Variants in TACC1 observed in about 807,000 individuals in gnomAD.
The protein encoded by TACC1 is transforming acidic coiled-coil-containing protein 1.
In TACC1, 48 loss-of-function variants were observed where a neutral mutation model predicts 84.4. The ratio of observed to expected loss-of-function variants is 0.57; its 90% CI spans 0.45 to 0.72. The LOEUF is 0.72. Ranked by LOEUF, TACC1 falls within the 30% of genes least tolerant of loss-of-function variation. The pLI is 0.00. For synonymous variants in TACC1, 372 were observed against 376.3 expected, an observed-to-expected ratio of 0.99 and a Z score of 0.13; for missense variants, 920 against 973.0, an observed-to-expected ratio of 0.95 and a Z score of 0.72.
chr8:38,781,020 G>T (rs946415038), intron 3 of TACC1, among the ~76,000 whole-genome samples: 1 of 152,108 alleles, frequency 6.6e-6, no homozygotes, highest in Non-Finnish European at 1.5e-5. Context: ...GTTGGAGTTG[G>T]TGTCACAGTT....
At chr8:38,743,121 T>C (rs1187045319) in intron 2 of TACC1, among the ~76,000 whole-genome samples, 1 of 152,224 alleles carries the variant, frequency 6.6e-6, no homozygotes, top group Non-Finnish European at 1.5e-5. Context: ...TATTTTTCAT[T>C]GTTTAGGCAG....
chr8:38,840,319 G>A (rs1351784617), intron 9 of TACC1, 52 bp downstream of exon 9: 1 of 1,526,014 alleles, frequency 6.6e-7, no homozygotes, highest in Admixed American at 1.7e-5. Flanking sequence ...ATCTGTCTTA[G>A]TCTGTTCAGC....
At chr8:38,797,019 A>G (rs577916952) in intron 2 of TACC1, among the ~76,000 whole-genome samples, 21 of 152,392 alleles carry the variant, frequency 1.4e-4, no homozygotes, top group Admixed American at 1.3e-3. Flanking sequence ...CTGAGGCTCA[A>G]GAATCCTCTC....
intron 2 of TACC1, among the ~76,000 whole-genome samples, chr8:38,810,851 T>C (rs1434054249): frequency 6.6e-6 from 1 of 152,164 alleles, no homozygotes; most frequent in African/African-American, 2.4e-5. Flanking sequence ...GCATGGTGGC[T>C]CACACCTGTA....
chr8:38,736,890 G>A (rs1345801303), intron 1 of TACC1, among the ~76,000 whole-genome samples: 1 of 152,100 alleles, frequency 6.6e-6, no homozygotes, highest in Non-Finnish European at 1.5e-5. Flanking sequence ...TCATTGTGAT[G>A]GTCCCATTCT....
intron 2 of TACC1, among the ~76,000 whole-genome samples, chr8:38,794,136 A>G (rs550665042): frequency 4.0e-4 from 61 of 152,326 alleles, no homozygotes; most frequent in Non-Finnish European, 6.6e-4. Context: ...TTGGTCTGCA[A>G]TGAACTTGAT....
At chr8:38,752,257 C>T (rs1809182445) in intron 3 of TACC1, among the ~76,000 whole-genome samples, 1 of 152,152 alleles carries the variant, frequency 6.6e-6, no homozygotes, top group Non-Finnish European at 1.5e-5. Context: ...ATTGCCTGAG[C>T]TCAGGAGTTC....
At chr8:38,796,288 A>G (rs780188120) in intron 2 of TACC1, among the ~76,000 whole-genome samples, 7 of 152,178 alleles carry the variant, frequency 4.6e-5, no homozygotes, top group Non-Finnish European at 1.0e-4. Flanking sequence ...GCAGATCCAG[A>G]GCTCTTTGGA....
At chr8:38,804,206 A>G (rs1822103214) in intron 2 of TACC1, among the ~76,000 whole-genome samples, 1 of 152,202 alleles carries the variant, frequency 6.6e-6, no homozygotes, top group Admixed American at 6.5e-5. Context: ...TTTTAATTAT[A>G]GGAAAACAGT....
At position 38,838,865 on chromosome 8, in the gene TACC1, T is replaced by G. The variant is rs542334837; in HGVS notation, c.1916+319T>G. ...CATTTGGAATACAGAAAAATAAGATTTATCCAATGATAGAGACACTGAAAT... is the reference window on the plus strand; with the variant it reads ...CATTTGGAATACAGAAAAATAAGATGTATCCAATGATAGAGACACTGAAAT... On this transcript the variant is annotated intron_variant, in intron 8 of 12. Transcript: ENST00000317827. Among the ~76,000 whole-genome samples the G allele has an allele frequency of 7.2e-5, 11 of 152,288 alleles. No homozygotes were observed. In the East Asian group the frequency reaches 2.1e-3, roughly 29 times the overall value.
upstream of TACC1, chr8:38,787,074 G>A (rs1817334483): frequency 1.0e-6 from 1 of 954,334 alleles, no homozygotes; most frequent in African/African-American, 1.8e-5. Flanking sequence ...CGCGACCAGC[G>A]TGACGCCGCG....
At chr8:38,776,776 C>T (rs1260709562) in intron 3 of TACC1, among the ~76,000 whole-genome samples, 2 of 151,206 alleles carry the variant, frequency 1.3e-5, no homozygotes, top group Non-Finnish European at 3.0e-5. Context: ...AAAAATGCTT[C>T]CATCTTTGAA....
In TACC1 at chr8:38,791,344, G is replaced by A. The variant is rs1818606892; in HGVS notation, c.277+2525G>A. Reference sequence around the variant, plus strand: ...CATGAATGCAGACTGTAATTGTAGGGGTAGAGGAGTGTCCAGTCCAGGAAA... The same window carrying A: ...CATGAATGCAGACTGTAATTGTAGGAGTAGAGGAGTGTCCAGTCCAGGAAA... On this transcript the variant is annotated intron_variant, in intron 2 of 12. Coordinates refer to ENST00000317827, the MANE Select transcript of TACC1 (RefSeq NM_006283.3). Among the ~76,000 whole-genome samples the A allele has an allele frequency of 2.0e-5, 3 of 152,128 alleles. No homozygotes were observed. The South Asian group carries it at 6.2e-4, about 32-fold the overall frequency.
rs1817481121 is a variant in TACC1, at chr8:38,787,374, G to C, written c.-209G>C. The C allele has an allele frequency of 7.5e-7, 1 of 1,336,968 alleles. No homozygotes were observed. The allele number at this position is 1,336,968 out of a possible 1,614,324, so 82.8% of individuals were successfully genotyped here. A position where few individuals can be genotyped will look rare whatever the true frequency, so the allele number is the denominator to read the frequency against. ...GGGCCCGCTGCGGCCGCACCGTGAG[G>C]GGAGGAGGCCGAGGAGGACGCAGCG... On this transcript the variant is annotated 5_prime_UTR_variant, in exon 1 of 13. Transcript: ENST00000317827.
In TACC1 at chr8:38,808,696, G is replaced by A. The variant is rs141698597; in HGVS notation, c.278-10826G>A. ...CTCCCAAAGTGTTGGGATTACAGGCGTGAGCTGCTGGTCCTGGCCTAGTGT... is the reference window on the plus strand; with the variant it reads ...CTCCCAAAGTGTTGGGATTACAGGCATGAGCTGCTGGTCCTGGCCTAGTGT... On this transcript the variant is annotated intron_variant, in intron 2 of 12. Coordinates refer to ENST00000317827, the MANE Select transcript of TACC1 (RefSeq NM_006283.3). 8.4e-4 allele frequency among the ~76,000 whole-genome samples: 128 copies of A among 152,332 alleles called. 1 individual carries two copies. Among genetic ancestry groups the A allele is most frequent in the Admixed American group, 2.2e-3 (33 of 15,302 alleles).
intron 3 of TACC1, among the ~76,000 whole-genome samples, chr8:38,773,558 G>GTATC: frequency 8.3e-6 from 1 of 120,980 alleles, no homozygotes; most frequent in East Asian, 1.9e-4. Context: ...TTGTGTAAAA[G>GTATC]TATCTATCTA....
chr8:38,813,096 G>A (rs956319652), intron 2 of TACC1, among the ~76,000 whole-genome samples: 4 of 151,910 alleles, frequency 2.6e-5, no homozygotes, highest in Non-Finnish European at 5.9e-5. Context: ...TACCTCAAAC[G>A]CCCTTAAAAT....
chr8:38,752,861 C>T (rs1209764181), intron 3 of TACC1, among the ~76,000 whole-genome samples: 1 of 152,054 alleles, frequency 6.6e-6, no homozygotes, highest in Non-Finnish European at 1.5e-5. Context: ...TGAAGGAAAA[C>T]TCAGTTCTGT....
chr8:38,838,400 C>A, intron 7 of TACC1, 70 bp from the exon 8 acceptor site: 1 of 1,058,432 alleles, frequency 9.4e-7, no homozygotes, highest in Non-Finnish European at 1.5e-6. Context: ...TGGTTGTGTG[C>A]TATTTCAGTT....
Sources: allele counts gnomAD v4.1 joint callset (sites outside exome capture counted in the v4.1 genomes callset), GRCh38; gene constraint gnomAD v4.1.1; transcripts MANE v1.5; gene names NCBI Gene and HGNC (gene_info 2026-07-23, HGNC 2026-07-21).